DAB1: variants seen among roughly 807,000 people sequenced by gnomAD.
DAB1 encodes DAB adaptor protein 1.
In DAB1, 15 loss-of-function variants were observed where a neutral mutation model predicts 64.6. That is an observed-to-expected ratio of 0.23 (90% CI 0.16 to 0.36). The LOEUF (loss-of-function observed/expected upper bound fraction) is 0.36. DAB1 is among the 10% of genes least tolerant of loss of function. The probability of loss-of-function intolerance (pLI) is 1.00; values close to 1 mark genes in which losing one functional copy is unlikely to be tolerated. For missense variants in DAB1, 596 were observed against 706.7 expected, an observed-to-expected ratio of 0.84 and a Z score of 1.78; for synonymous variants, 235 against 251.9, an observed-to-expected ratio of 0.93 and a Z score of 0.64.
chr1:57,015,165 C>A lies in DAB1; in HGVS notation c.1162G>T (p.Ala388Ser). Residue 388 changes from alanine to serine, a missense_variant, in exon 12 of 15, where the codon GCC becomes TCC. By Grantham distance (99) the Ala-to-Ser change is moderately conservative. This residue lies in a region of DAB1 where 377 missense variants were observed against 400.4 expected (regional missense o/e 0.94). Coordinates refer to ENST00000371236, the MANE Select transcript of DAB1 (RefSeq NM_001365792.1). ...AMFQGPLTPL[A>S]TVPGTSDSTR... Reference sequence around the variant, plus strand: ...GAGTCACTCGTGCCTGGGACGGTGGCAAGGGGGGTGAGGGGACCTTGGAAC... The same window carrying A: ...GAGTCACTCGTGCCTGGGACGGTGGAAAGGGGGGTGAGGGGACCTTGGAAC... The A allele has an allele frequency of 1.2e-6, 2 of 1,614,026 alleles. No individual in the cohort carries two copies. The highest frequency in any genetic ancestry group is 1.7e-6 in the Non-Finnish European group (2 of 1,180,006).
At chr1:57,624,692 A>C (rs1645901852) in intron 7 of DAB1, among the ~76,000 whole-genome samples, 2 of 152,256 alleles carry the variant, frequency 1.3e-5, no homozygotes, top group African/African-American at 4.8e-5. Context: ...GATGCTTTCT[A>C]ATAAGCCACA....
At chr1:57,116,751 C>G (rs1656172033) in intron 4 of DAB1, among the ~76,000 whole-genome samples, 1 of 152,096 alleles carries the variant, frequency 6.6e-6, no homozygotes, top group African/African-American at 2.4e-5. Context: ...GCTTCAATAC[C>G]AGATTTACCT....
chr1:57,296,545 C>T (rs1370304907), intron 1 of DAB1, among the ~76,000 whole-genome samples: 1 of 151,396 alleles, frequency 6.6e-6, no homozygotes, highest in African/African-American at 2.4e-5. Context: ...ATTAAGTGCT[C>T]AAAACAAACA....
At chr1:57,981,736 G>A (rs1028181034) in intron 5 of DAB1, among the ~76,000 whole-genome samples, 1 of 151,978 alleles carries the variant, frequency 6.6e-6, no homozygotes, top group African/African-American at 2.4e-5. Context: ...GTTGTCCCCT[G>A]ACATAAATTC....
At chr1:57,342,705 G>A (rs954067129) in intron 1 of DAB1, among the ~76,000 whole-genome samples, 2 of 152,092 alleles carry the variant, frequency 1.3e-5, no homozygotes, top group Non-Finnish European at 2.9e-5. Flanking sequence ...TCTGATGTTC[G>A]GATGTGTTCA....
At chr1:58,406,169 G>A (rs1644613850) in intron 3 of DAB1, among the ~76,000 whole-genome samples, 1 of 152,154 alleles carries the variant, frequency 6.6e-6, no homozygotes, top group East Asian at 1.9e-4. Context: ...GTGAACCACT[G>A]GAGAATGCTG....
chr1:57,890,394 C>T (rs1488364535), intron 5 of DAB1, among the ~76,000 whole-genome samples: 2 of 152,078 alleles, frequency 1.3e-5, no homozygotes, highest in Non-Finnish European at 2.9e-5. Flanking sequence ...TTCATACCTC[C>T]ATGCTGTCCC....
intron 3 of DAB1, among the ~76,000 whole-genome samples, chr1:58,441,797 GT>G (rs1411110648): frequency 6.6e-6 from 1 of 152,172 alleles, no homozygotes; most frequent in East Asian, 1.9e-4. Flanking sequence ...GTTAATTTAT[GT>G]ACTTACGAAA....
intron 6 of DAB1, among the ~76,000 whole-genome samples, chr1:57,675,588 G>A (rs1558599764): frequency 6.6e-6 from 1 of 152,168 alleles, no homozygotes; most frequent in Non-Finnish European, 1.5e-5. Context: ...TTGAGCAGAA[G>A]CGAAATGAAG....
chr1:57,205,755 CAAAGTT>C (rs1320535301), intron 2 of DAB1, among the ~76,000 whole-genome samples: 1 of 152,132 alleles, frequency 6.6e-6, no homozygotes, highest in Admixed American at 6.5e-5. Flanking sequence ...TGTCAGATCT[CAAAGTT>C]GAAGTTTTTT....
chr1:58,321,255 T>C (rs1557730704), intron 4 of DAB1, among the ~76,000 whole-genome samples: 1 of 152,254 alleles, frequency 6.6e-6, no homozygotes, highest in South Asian at 2.1e-4. Context: ...TTCCTTCCTC[T>C]TTATGCTGCA....
intron 3 of DAB1, among the ~76,000 whole-genome samples, chr1:58,467,746 T>G (rs1645310468): frequency 6.6e-6 from 1 of 152,228 alleles, no homozygotes; most frequent in African/African-American, 2.4e-5. Flanking sequence ...TTAATATGTT[T>G]TAATTTTTTA....
chr1:58,086,732 C>G (rs1227031939), intron 5 of DAB1, among the ~76,000 whole-genome samples: 3 of 151,878 alleles, frequency 2.0e-5, no homozygotes, highest in Non-Finnish European at 4.4e-5. Flanking sequence ...GGCATGAATT[C>G]TCATGCCTCT....
At chr1:58,050,447 T>C (rs1020222443) in intron 5 of DAB1, among the ~76,000 whole-genome samples, 2 of 152,150 alleles carry the variant, frequency 1.3e-5, no homozygotes, top group Non-Finnish European at 2.9e-5. Flanking sequence ...TATGGTAGTG[T>C]GATGAAGAGA....
intron 2 of DAB1, among the ~76,000 whole-genome samples, chr1:57,206,968 C>CTTTTTTTTTTTTT (rs201111039): frequency 3.0e-4 from 25 of 84,490 alleles, no homozygotes; most frequent in African/African-American, 9.3e-4. Flanking sequence ...TCCTTCCTTC[C>CTTTTTTTTTTTTT]TTTTTTTTTT....
intron 5 of DAB1, chr1:58,048,386 C>G (rs534906513): frequency 1.1e-6 from 1 of 920,242 alleles, no homozygotes; most frequent in African/African-American, 1.6e-5. Context: ...AAAACTGCTT[C>G]CACTGCCACT....
At chr1:57,493,978 CG>C in intron 7 of DAB1, among the ~76,000 whole-genome samples, 1 of 152,284 alleles carries the variant, frequency 6.6e-6, no homozygotes, top group East Asian at 1.9e-4. Flanking sequence ...CACTGAACCT[CG>C]GTTTATTCAG....
rs75779489 is a variant in DAB1, at chr1:57,894,363, CAG to C, written n.388-10203_388-10202del. The stretch of plus-strand genomic sequence containing the variant: ...ACCTGCATGGATTTGCCACTGCTAA[CAG>C]GGGGAGATATGGTATGTGCTCATTT... On this transcript the variant is annotated intron_variant and non_coding_transcript_variant, in intron 5 of 20. Coordinates refer to the DAB1 transcript ENST00000485760. Among the ~76,000 whole-genome samples the C allele has an allele frequency of 3.7e-4, 57 of 152,274 alleles. No homozygotes were observed. The East Asian group carries it at 6.0e-3, about 16-fold the overall frequency.
At chr1:57,323,358 A>G (rs1675881078) in intron 1 of DAB1, among the ~76,000 whole-genome samples, 1 of 152,194 alleles carries the variant, frequency 6.6e-6, no homozygotes, top group African/African-American at 2.4e-5. Flanking sequence ...TTATTGAGTT[A>G]TAGAGGGGAA....
Sources: gnomAD v4.1 joint callset for allele counts (sites outside exome capture counted in the v4.1 genomes callset) on GRCh38, gnomAD v4.1.1 for gene constraint, gnomAD v4.1.1 regional missense constraint, MANE v1.5 for transcripts, NCBI Gene and HGNC (gene_info 2026-07-23, HGNC 2026-07-21) for gene names.